ATP6V0A1: variants seen among roughly 807,000 people sequenced by gnomAD.
ATP6V0A1 encodes the protein ATPase H+ transporting V0 subunit a1.
In ATP6V0A1, 43 loss-of-function variants were observed where a neutral mutation model predicts 105.4. The observed-to-expected ratio is 0.41, with a 90% CI of 0.32 to 0.53. The LOEUF is 0.53. Ranked by LOEUF, ATP6V0A1 falls within the 20% of genes least tolerant of loss-of-function variation. The probability of loss-of-function intolerance (pLI) is 0.30; values close to 1 mark genes in which losing one functional copy is unlikely to be tolerated. For synonymous variants in ATP6V0A1, 362 were observed against 372.8 expected, an observed-to-expected ratio of 0.97 and a Z score of 0.33; for missense variants, 676 against 1,051.1, an observed-to-expected ratio of 0.64 and a Z score of 4.93.
chr17:42,475,637 A>G (rs2088633309), intron 5 of ATP6V0A1, among the ~76,000 whole-genome samples: 1 of 152,170 alleles, frequency 6.6e-6, no homozygotes, highest in African/African-American at 2.4e-5. Flanking sequence ...CCCCTGCTCT[A>G]AGATTTAGAT....
chr17:42,483,371 G>C (rs766068403), intron 9 of ATP6V0A1, among the ~76,000 whole-genome samples: 2 of 151,952 alleles, frequency 1.3e-5, no homozygotes, highest in African/African-American at 4.8e-5. Flanking sequence ...AATCGTTGTT[G>C]CCTAGCATAT....
intron 17 of ATP6V0A1, among the ~76,000 whole-genome samples, chr17:42,505,677 A>G (rs2091975657): frequency 6.6e-6 from 1 of 152,086 alleles, no homozygotes; most frequent in African/African-American, 2.4e-5. Flanking sequence ...CATTCCATAG[A>G]ATATTCCACT....
At chr17:42,482,578 C>T (rs1423848490) in intron 8 of ATP6V0A1, among the ~76,000 whole-genome samples, 1 of 151,750 alleles carries the variant, frequency 6.6e-6, no homozygotes, top group Non-Finnish European at 1.5e-5. Context: ...GCTATAATTG[C>T]TCCGTCTGCA....
intron 5 of ATP6V0A1, among the ~76,000 whole-genome samples, chr17:42,474,343 C>A (rs2088432666): frequency 6.6e-6 from 1 of 151,018 alleles, no homozygotes; most frequent in African/African-American, 2.4e-5. Context: ...TTTTTCCAGT[C>A]TCTGGAAGTA....
chr17:42,481,875 G>A (rs1237398649), intron 8 of ATP6V0A1, among the ~76,000 whole-genome samples: 1 of 151,770 alleles, frequency 6.6e-6, no homozygotes, highest in Non-Finnish European at 1.5e-5. Flanking sequence ...AGAGTCTTGC[G>A]CTGCCACCCA....
At chr17:42,459,171 C>T (rs1396681590) in intron 1 of ATP6V0A1, 1 of 152,212 alleles carries the variant, frequency 6.6e-6, no homozygotes, top group Non-Finnish European at 1.5e-5. Context: ...GCATCTCTTC[C>T]CTGCTTTAAG....
rs529402274 is a variant in ATP6V0A1, at chr17:42,521,210, G to C, written c.*90G>C. 3.4e-6 allele frequency: 4 copies of C among 1,179,548 alleles called. No individual in the cohort carries two copies. Among genetic ancestry groups the C allele is most frequent in the Non-Finnish European group, 4.8e-6 (4 of 841,576 alleles). The allele number at this position is 1,179,548 out of a possible 1,614,324, so 73.1% of individuals were successfully genotyped here. A position where few individuals can be genotyped will look rare whatever the true frequency, so the allele number is the denominator to read the frequency against. ...CCTCTCTGCCTGTTGGTTGTGATCT[G>C]TGGGCACCAGCTCATTCGTGTCACC... is the stretch of plus-strand genomic sequence containing the variant. On this transcript the variant is annotated 3_prime_UTR_variant, in exon 22 of 22. Coordinates refer to ENST00000343619, the MANE Select transcript of ATP6V0A1 (RefSeq NM_001130021.3). The surrounding 1 kb of genome is among the most constrained non-coding windows in gnomAD (Gnocchi z 4.8).
At chr17:42,498,431 T>A (rs1006518691) in intron 14 of ATP6V0A1, among the ~76,000 whole-genome samples, 2 of 151,978 alleles carry the variant, frequency 1.3e-5, no homozygotes, top group African/African-American at 2.4e-5. Context: ...AAAAAAAAAA[T>A]TTTGTCGAAG....
At chr17:42,476,697 G>A (rs1194414903) in intron 5 of ATP6V0A1, among the ~76,000 whole-genome samples, 2 of 152,146 alleles carry the variant, frequency 1.3e-5, no homozygotes, top group East Asian at 1.9e-4. Flanking sequence ...GTAGACCTGC[G>A]TGTGGGAAGA....
chr17:42,480,948 G>T, intron 8 of ATP6V0A1, 199 bp downstream of exon 8: 1 of 426,602 alleles, frequency 2.3e-6, no homozygotes, highest in Non-Finnish European at 4.1e-6. Flanking sequence ...AGATGGGGGG[G>T]TCTCACTCTG....
intron 2 of ATP6V0A1, among the ~76,000 whole-genome samples, chr17:42,464,488 C>T (rs1458505524): frequency 1.3e-5 from 2 of 151,422 alleles, no homozygotes; most frequent in Non-Finnish European, 2.9e-5. Flanking sequence ...TTGCAACCTC[C>T]GCCTCCCGGG....
intron 10 of ATP6V0A1, among the ~76,000 whole-genome samples, chr17:42,488,858 C>G (rs1298166869): frequency 6.6e-6 from 1 of 151,256 alleles, no homozygotes; most frequent in African/African-American, 2.4e-5. Context: ...ACTAAAAATA[C>G]AAAAAAGTTA....
intron 12 of ATP6V0A1, 147 bp downstream of exon 12, chr17:42,494,620 A>ATG: frequency 2.2e-5 from 22 of 1,009,566 alleles, no homozygotes; most frequent in Non-Finnish European, 3.1e-5. Context: ...CAAAGACGAC[A>ATG]TGTGCAAGCT....
At chr17:42,459,098 C>G (rs2086080145) in intron 1 of ATP6V0A1, 135 bp downstream of exon 1, 1 of 152,240 alleles carries the variant, frequency 6.6e-6, no homozygotes, top group Non-Finnish European at 1.5e-5. Context: ...GGGGTTCGCC[C>G]CCTCCTTGGG....
At chr17:42,503,166 C>T (rs1212496546) in intron 17 of ATP6V0A1, among the ~76,000 whole-genome samples, 1 of 152,136 alleles carries the variant, frequency 6.6e-6, no homozygotes, top group African/African-American at 2.4e-5. Flanking sequence ...AAGATGACAG[C>T]TCTTGGACTC....
intron 15 of ATP6V0A1, among the ~76,000 whole-genome samples, chr17:42,499,680 C>G (rs2091503278): frequency 6.6e-6 from 1 of 150,998 alleles, no homozygotes. Flanking sequence ...CCCAGCTACT[C>G]TGGTGGCTGA....
intron 14 of ATP6V0A1, among the ~76,000 whole-genome samples, 165 bp from the exon 15 acceptor site, chr17:42,498,759 G>A (rs942568371): frequency 2.0e-5 from 3 of 152,188 alleles, no homozygotes; most frequent in Non-Finnish European, 4.4e-5. Context: ...CCGGAAGGCA[G>A]AGCTTGCAGT....
chr17:42,490,623 G>A lies in ATP6V0A1; in HGVS notation c.1160G>A (p.Arg387Gln), dbSNP rs1276696693. The A allele has an allele frequency of 6.3e-6, 10 of 1,593,932 alleles. No homozygotes were observed. The highest frequency in any genetic ancestry group is 2.2e-5 in the East Asian group (1 of 44,480). Residue 387 changes from arginine (R) to glutamine (Q), a missense_variant, in exon 11 of 22, where the codon CGA becomes CAA. By Grantham distance (43) the Arg-to-Gln change is conservative. This residue lies in a region of ATP6V0A1 where 435 missense variants were observed against 642.2 expected (regional missense o/e 0.68). Coordinates refer to ENST00000343619, the MANE Select transcript of ATP6V0A1 (RefSeq NM_001130021.3). ...GATGCTTATGGAATTGGAACTTACC[G>A]AGAGATAAATCCAGGTAAAAAAAAG... ...IVDAYGIGTY[R>Q]EINPAPYTII...
At chr17:42,497,328 G>A (rs977844649) in intron 14 of ATP6V0A1, among the ~76,000 whole-genome samples, 1 of 147,430 alleles carries the variant, frequency 6.8e-6, no homozygotes, top group South Asian at 2.2e-4. Flanking sequence ...AAAATGGTTT[G>A]GACACAGATC....
Sources: gnomAD v4.1 joint callset for allele counts (sites outside exome capture counted in the v4.1 genomes callset) on GRCh38, gnomAD v4.1.1 for gene constraint, gnomAD v4.1.1 regional missense constraint, Gnocchi (gnomAD v3.1) non-coding constraint, MANE v1.5 for transcripts, NCBI Gene and HGNC (gene_info 2026-07-23, HGNC 2026-07-21) for gene names.